Variants in CCSER1 observed in about 807,000 individuals in gnomAD.
CCSER1 encodes serine-rich coiled-coil domain-containing protein 1.
Under a neutral mutation model 82.0 loss-of-function variants are expected in CCSER1, and 41 were observed. That is an observed-to-expected ratio of 0.50 (90% CI 0.39 to 0.65). The LOEUF is 0.65. CCSER1 is among the 30% of genes least tolerant of loss of function. The pLI, the probability that CCSER1 is intolerant of heterozygous loss-of-function variation, is 0.00. For missense variants in CCSER1, 1,119 were observed against 1,064.2 expected (o/e 1.05, Z -0.72); for synonymous variants, 414 against 383.9 (o/e 1.08, Z -0.92).
rs1741628794 is a variant in CCSER1, at chr4:90,218,983, GA to G, written c.-41-89258del. On this transcript the variant is annotated intron_variant, in intron 1 of 10. Transcript: ENST00000509176. Reference sequence around the variant, plus strand: ...ATGATCAAGGCTTTTTACGCCCTGTGAAAGGGTTTGGAATTTGACCTAAGGT... The same window carrying G: ...ATGATCAAGGCTTTTTACGCCCTGTGAAGGGTTTGGAATTTGACCTAAGGT... 1.3e-5 allele frequency among the ~76,000 whole-genome samples: 2 copies of G among 152,136 alleles called. 1 individual carries two copies. Among genetic ancestry groups the G allele is most frequent in the Admixed American group, 1.3e-4 (2 of 15,258 alleles).
chr4:90,586,512 C>A (rs1401901114), intron 5 of CCSER1, among the ~76,000 whole-genome samples: 1 of 152,056 alleles, frequency 6.6e-6, no homozygotes, highest in Non-Finnish European at 1.5e-5. Flanking sequence ...AAAACTGGTT[C>A]AAAGGATTAT....
chr4:90,648,536 G>A (rs1314948529), intron 6 of CCSER1, among the ~76,000 whole-genome samples: 2 of 57,228 alleles, frequency 3.5e-5, no homozygotes, highest in Non-Finnish European at 9.0e-5. Flanking sequence ...ACTGTATTTG[G>A]AGATAAGGCC....
At chr4:90,221,073 G>T (rs1315736132) in intron 1 of CCSER1, among the ~76,000 whole-genome samples, 1 of 152,020 alleles carries the variant, frequency 6.6e-6, no homozygotes, top group African/African-American at 2.4e-5. Context: ...CATTTAATAA[G>T]CAAGGAATCA....
rs1413693425 is a variant in CCSER1, at chr4:91,014,168, T to C, written c.2173-71782T>C. ...ATTTCTGCAGATTTTTCTCCTCCTTTATACCTGACATGGGAAAAGATTTTG... is the reference window on the plus strand; with the variant it reads ...ATTTCTGCAGATTTTTCTCCTCCTTCATACCTGACATGGGAAAAGATTTTG... On this transcript the variant is annotated intron_variant, in intron 9 of 10. Transcript: ENST00000509176. Among the ~76,000 whole-genome samples, 2 of 107,494 alleles carry C rather than the reference T, an allele frequency of 1.9e-5. 1 individual carries two copies. Among genetic ancestry groups the C allele is most frequent in the Admixed American group, 2.0e-4 (2 of 10,142 alleles). The allele number at this position is 107,494 out of a possible 152,430, so 70.5% of individuals were successfully genotyped here. A position where few individuals can be genotyped will look rare whatever the true frequency, so the allele number is the denominator to read the frequency against.
chr4:90,664,882 A>G (rs1731445340), intron 6 of CCSER1, among the ~76,000 whole-genome samples: 1 of 152,264 alleles, frequency 6.6e-6, no homozygotes, highest in South Asian at 2.1e-4. Context: ...CCTGGGCAAT[A>G]AGAATGAAAC....
chr4:90,262,905 C>T (rs2153449436), intron 1 of CCSER1, among the ~76,000 whole-genome samples: 1 of 152,224 alleles, frequency 6.6e-6, no homozygotes, highest in East Asian at 1.9e-4. Flanking sequence ...GAGTGCTCCT[C>T]CTGTGGGGAC....
chr4:90,230,263 C>T (rs1744188463), intron 1 of CCSER1, among the ~76,000 whole-genome samples: 1 of 152,088 alleles, frequency 6.6e-6, no homozygotes, highest in African/African-American at 2.4e-5. Context: ...GAAATTATAA[C>T]AAACTGTCTC....
intron 1 of CCSER1, among the ~76,000 whole-genome samples, chr4:90,172,411 G>A (rs911316591): frequency 4.0e-5 from 6 of 151,832 alleles, no homozygotes; most frequent in Non-Finnish European, 7.4e-5. Context: ...TCAGTTTACC[G>A]TAGAAAGATT....
At chr4:91,506,571 T>G (rs1306938853) in intron 10 of CCSER1, among the ~76,000 whole-genome samples, 1 of 152,182 alleles carries the variant, frequency 6.6e-6, no homozygotes, top group Admixed American at 6.5e-5. Flanking sequence ...TCCATGAGCA[T>G]GGAATCTTTT....
chr4:90,798,968 C>A (rs1303099118), intron 7 of CCSER1, among the ~76,000 whole-genome samples: 3 of 152,200 alleles, frequency 2.0e-5, no homozygotes, highest in African/African-American at 7.2e-5. Context: ...ACAGTAGGAT[C>A]AGTCCTCGTT....
At chr4:90,333,567 C>T (rs1389694177) in intron 3 of CCSER1, among the ~76,000 whole-genome samples, 2 of 152,118 alleles carry the variant, frequency 1.3e-5, no homozygotes, top group Non-Finnish European at 2.9e-5. Flanking sequence ...TTAATCAGAC[C>T]GTGAAGTTAC....
intron 8 of CCSER1, among the ~76,000 whole-genome samples, chr4:90,864,014 ATTT>A (rs1765424339): frequency 7.8e-6 from 1 of 128,768 alleles, no homozygotes; most frequent in Admixed American, 8.0e-5. Flanking sequence ...ATTTTATTTT[ATTT>A]TACCACCATG....
At chr4:91,314,371 T>C (rs1578177349) in intron 10 of CCSER1, among the ~76,000 whole-genome samples, 1 of 152,026 alleles carries the variant, frequency 6.6e-6, no homozygotes. Flanking sequence ...TTCATGTATC[T>C]AGGGAACCTT....
intron 1 of CCSER1, among the ~76,000 whole-genome samples, chr4:90,165,881 A>G (rs1306714198): frequency 6.6e-6 from 1 of 152,038 alleles, no homozygotes; most frequent in African/African-American, 2.4e-5. Flanking sequence ...AATGAGTGAA[A>G]CCAGAGGATC....
intron 10 of CCSER1, among the ~76,000 whole-genome samples, chr4:91,202,684 T>C (rs1467097390): frequency 2.3e-5 from 1 of 43,556 alleles, no homozygotes; most frequent in Non-Finnish European, 4.3e-5. Flanking sequence ...TCACTGTCCG[T>C]AGACCAAGAA....
At chr4:91,244,421 G>A (rs1560539305) in intron 10 of CCSER1, among the ~76,000 whole-genome samples, 1 of 152,200 alleles carries the variant, frequency 6.6e-6, no homozygotes, top group African/African-American at 2.4e-5. Context: ...CCCAGTAGTG[G>A]TGGTCACAGG....
intron 6 of CCSER1, among the ~76,000 whole-genome samples, chr4:90,655,943 G>A (rs1304037210): frequency 6.6e-6 from 1 of 151,822 alleles, no homozygotes; most frequent in African/African-American, 2.4e-5. Flanking sequence ...ATTCTAAGAG[G>A]CTTTGCACAG....
chr4:90,304,772 C>G (rs1733919734), intron 1 of CCSER1, among the ~76,000 whole-genome samples: 1 of 151,614 alleles, frequency 6.6e-6, no homozygotes, highest in Non-Finnish European at 1.5e-5. Context: ...ACATTGCGCA[C>G]ATGTACCCTA....
intron 10 of CCSER1, among the ~76,000 whole-genome samples, chr4:91,091,153 C>A (rs1723909279): frequency 6.6e-6 from 1 of 152,192 alleles, no homozygotes; most frequent in Non-Finnish European, 1.5e-5. Flanking sequence ...TAGCTTATTT[C>A]TATTAATGAC....
Sources: allele counts gnomAD v4.1 joint callset (sites outside exome capture counted in the v4.1 genomes callset), GRCh38; gene constraint gnomAD v4.1.1; transcripts MANE v1.5; gene names NCBI Gene and HGNC (gene_info 2026-07-23, HGNC 2026-07-21).